The following MMP17 variants were observed in gnomAD, a reference collection of about 807,000 sequenced individuals.
The protein encoded by MMP17 is matrix metalloproteinase-17.
MMP17 carries 54 observed loss-of-function variants against 49.1 expected under a neutral mutation model. The observed-to-expected ratio is 1.10, with a 90% CI of 0.88 to 1.38. The LOEUF (loss-of-function observed/expected upper bound fraction) is 1.38, where lower values mean the gene tolerates loss of function less well. Ranked by LOEUF, MMP17 falls within the 40% of genes most tolerant of loss-of-function variation. The probability of loss-of-function intolerance (pLI) is 0.00; values close to 1 mark genes in which losing one functional copy is unlikely to be tolerated. For synonymous variants in MMP17, 397 were observed against 383.1 expected (o/e 1.04, Z -0.42); for missense variants, 837 against 853.7 (o/e 0.98, Z 0.24).
At chr12:131,838,404 A>G in intron 2 of MMP17, 77 bp downstream of exon 2, 2 of 1,558,746 alleles carry the variant, frequency 1.3e-6, no homozygotes, top group Non-Finnish European at 1.7e-6. Flanking sequence ...CCCTCTGATC[A>G]GGCACAGTCC....
intron 1 of MMP17, among the ~76,000 whole-genome samples, chr12:131,830,844 C>A (rs1161111485): frequency 6.6e-6 from 1 of 152,116 alleles, no homozygotes; most frequent in Non-Finnish European, 1.5e-5. Context: ...CAGGAGCCCC[C>A]GGCGGGGACA....
At chr12:131,841,879 C>G (rs1237697583) in intron 5 of MMP17, 79 bp downstream of exon 5, 19 of 1,439,402 alleles carry the variant, frequency 1.3e-5, no homozygotes, top group Non-Finnish European at 1.5e-5. Context: ...GCAGAGCCCC[C>G]CCGGGAGGGT....
rs1212887741 is a variant in MMP17, at chr12:131,837,970, A to G, written c.160-225A>G. The G allele has an allele frequency of 1.1e-5, 5 of 450,280 alleles. No homozygotes were observed. The East Asian group carries it at 1.4e-4, about 13-fold the overall frequency. The allele number at this position is 450,280 out of a possible 1,614,324, so 27.9% of individuals were successfully genotyped here. A position where few individuals can be genotyped will look rare whatever the true frequency, so the allele number is the denominator to read the frequency against. On this transcript the variant is annotated intron_variant, in intron 1 of 9. Transcript: ENST00000360564. Reference sequence around the variant, plus strand: ...CATGATCCGCCTGCCTCGGCCTCCCAAACTGCTGGGATTACAGGCGTGAGC... The same window carrying G: ...CATGATCCGCCTGCCTCGGCCTCCCGAACTGCTGGGATTACAGGCGTGAGC...
At chr12:131,836,125 C>A (rs1456679073) in intron 1 of MMP17, among the ~76,000 whole-genome samples, 1 of 152,214 alleles carries the variant, frequency 6.6e-6, no homozygotes, top group Non-Finnish European at 1.5e-5. Context: ...CAGTTCTGTA[C>A]ACACTCTTGG....
Position 131,841,727 on chromosome 12 carries a change from C to A in MMP17, c.810C>A (p.Tyr270Ter). The A allele has an allele frequency of 6.2e-7, 1 of 1,613,736 alleles. No homozygotes were observed. The highest frequency in any genetic ancestry group is 8.5e-7 in the Non-Finnish European group (1 of 1,179,948). ...CACACTCCATCATGCGGCCGTACTA[C>A]CAGGGCCCGGTGGGTGACCCGCTGC... Reference protein sequence around the residue: ...AAAHSIMRPYYQGPVGDPLRY... With the variant: ...AAAHSIMRPY Residue 270 changes from tyrosine (Y) to a stop codon, truncating the protein, a stop_gained, in exon 5 of 10, where the codon TAC becomes TAA. Transcript: ENST00000360564. LOFTEE classifies it high-confidence loss of function.
At chr12:131,842,427 T>C (rs1887462377) in intron 5 of MMP17, among the ~76,000 whole-genome samples, 1 of 152,232 alleles carries the variant, frequency 6.6e-6, no homozygotes, top group African/African-American at 2.4e-5. Flanking sequence ...CCGCTTCACA[T>C]GCTCTGACAT....
rs751580543 is a variant in MMP17, at chr12:131,840,537, C to T, written c.423-36C>T. The T allele has an allele frequency of 2.1e-5, 33 of 1,539,800 alleles. No individual in the cohort carries two copies. The Admixed American group carries it at 5.8e-4, about 27-fold the overall frequency. On this transcript the variant is annotated intron_variant, in intron 3 of 9. Coordinates refer to ENST00000360564, the MANE Select transcript of MMP17 (RefSeq NM_016155.7). Reference sequence around the variant, plus strand: ...CTCGGCCTGGGGCACGTGGCCTGTTCTCCGTGACTCACTCTGGGCTGACCC... The same window carrying T: ...CTCGGCCTGGGGCACGTGGCCTGTTTTCCGTGACTCACTCTGGGCTGACCC...
In MMP17 at chr12:131,828,448, G is replaced by T; in HGVS notation, c.-47G>T. The stretch of plus-strand genomic sequence containing the variant: ...GGCGCCGGGCTGCGGAACGCGAAGC[G>T]GAGGGCGCGGGACCCTGCACGCCGC... On this transcript the variant is annotated 5_prime_UTR_variant, in exon 1 of 10. Coordinates refer to ENST00000360564, the MANE Select transcript of MMP17 (RefSeq NM_016155.7). The T allele has an allele frequency of 1.6e-5, 16 of 977,962 alleles. No individual in the cohort carries two copies. The highest frequency in any genetic ancestry group is 1.9e-5 in the Non-Finnish European group (16 of 822,814). 60.6% of individuals were successfully genotyped at this position (977,962 alleles called of 1,614,324 possible). A position where few individuals can be genotyped will look rare whatever the true frequency, so the allele number is the denominator to read the frequency against.
chr12:131,832,872 C>T (rs1318588731), intron 1 of MMP17, among the ~76,000 whole-genome samples: 1 of 152,216 alleles, frequency 6.6e-6, no homozygotes, highest in African/African-American at 2.4e-5. Context: ...GCCAAAGGGC[C>T]TTTGCACTTG....
At chr12:131,843,235 G>A (rs1001239209) in intron 5 of MMP17, among the ~76,000 whole-genome samples, 17 of 150,334 alleles carry the variant, frequency 1.1e-4, no homozygotes, top group African/African-American at 4.2e-4. Context: ...CAAAGTGCTG[G>A]GATTATAGGC....
intron 5 of MMP17, among the ~76,000 whole-genome samples, chr12:131,842,069 A>T (rs550635201): frequency 7.4e-4 from 112 of 152,328 alleles, no homozygotes; most frequent in African/African-American, 2.6e-3. Flanking sequence ...TGTGCAAATC[A>T]CATTGCACGT....
Position 131,828,452 on chromosome 12 carries a change from G to A in MMP17, c.-43G>A, listed in dbSNP as rs940783734. On this transcript the variant is annotated 5_prime_UTR_variant, in exon 1 of 10. Coordinates refer to ENST00000360564, the MANE Select transcript of MMP17 (RefSeq NM_016155.7). ...CCGGGCTGCGGAACGCGAAGCGGAG[G>A]GCGCGGGACCCTGCACGCCGCCCGC... The A allele has an allele frequency of 3.1e-6, 3 of 982,640 alleles. No homozygotes were observed. The highest frequency in any genetic ancestry group is 3.6e-6 in the Non-Finnish European group (3 of 827,064). The allele number at this position is 982,640 out of a possible 1,614,324, so 60.9% of individuals were successfully genotyped here.
intron 8 of MMP17, among the ~76,000 whole-genome samples, chr12:131,849,142 C>T (rs757324881): frequency 4.6e-5 from 7 of 152,142 alleles, no homozygotes; most frequent in East Asian, 1.9e-4. Context: ...TTTCTAGTGA[C>T]GTTGACCATC....
rs771294254 is a variant in MMP17 at position 131,850,071 on chromosome 12, C to G, written c.1462+12C>G. On this transcript the variant is annotated intron_variant, in intron 9 of 9. Coordinates refer to ENST00000360564, the MANE Select transcript of MMP17 (RefSeq NM_016155.7). ...GCGCTGGTCCGACGGTGAGTGCCAGCTGGGGGGACGGGCCATGCGGCCTTG... is the reference window on the plus strand; with the variant it reads ...GCGCTGGTCCGACGGTGAGTGCCAGGTGGGGGGACGGGCCATGCGGCCTTG... The G allele has an allele frequency of 1.2e-6, 2 of 1,600,496 alleles. No individual in the cohort carries two copies. The highest frequency in any genetic ancestry group is 2.2e-5 in the South Asian group (2 of 90,182).
chr12:131,845,525 G>A (rs1887664459), intron 8 of MMP17, 76 bp downstream of exon 8: 15 of 1,478,230 alleles, frequency 1.0e-5, no homozygotes, highest in South Asian at 2.7e-5. Context: ...AGAGGGTCCA[G>A]CCTGCGTGTA....
intron 5 of MMP17, among the ~76,000 whole-genome samples, chr12:131,843,089 GAGT>G (rs1228792131): frequency 6.6e-6 from 1 of 151,806 alleles, no homozygotes; most frequent in Non-Finnish European, 1.5e-5. Context: ...TCAGCCTTCC[GAGT>G]AGCTGGGACT....
In MMP17 at chr12:131,841,782, C is replaced by T. The variant is rs773095803; in HGVS notation, c.865C>T (p.Arg289Cys). ...CGGGCTCCCCTACGAGGACAAGGTG[C>T]GCGTCTGGCAGCTGTACGGTGAGTG... The part of the protein sequence containing the change: ...RYGLPYEDKV[R>C]VWQLYGVRES... The change falls in exon 5 of 10, where the codon CGC (arginine) becomes TGC (cysteine). Residue 289 changes from arginine (R) to cysteine (C), a missense_variant. Physicochemically the swap from Arg to Cys is radical, Grantham distance 180 (BLOSUM62 -3). Transcript: ENST00000360564. 43 of 1,602,838 alleles carry T rather than the reference C, an allele frequency of 2.7e-5. No homozygotes were observed. The East Asian group carries it at 2.9e-4, about 11-fold the overall frequency.
Position 131,840,583 on chromosome 12 carries a change from T to C in MMP17, c.433T>C (p.Phe145Leu). The part of the protein sequence containing the change: ...KRNLSWRVRT[F>L]PRDSPLGHDT... ...GACCCCTGCCTGCAGGGTCCGGACG[T>C]TCCCACGGGACTCACCACTGGGGCA... Residue 145 changes from phenylalanine to leucine, a missense_variant, in exon 4 of 10, where the codon TTC (phenylalanine) becomes CTC (leucine). Physicochemically the swap from Phe to Leu is conservative, Grantham distance 22. Coordinates refer to ENST00000360564, the MANE Select transcript of MMP17 (RefSeq NM_016155.7). 6.3e-7 allele frequency: 1 copy of C among 1,590,762 alleles called. No homozygotes were observed. Among genetic ancestry groups the C allele is most frequent in the East Asian group, 2.2e-5 (1 of 44,514 alleles).
intron 1 of MMP17, among the ~76,000 whole-genome samples, chr12:131,831,611 C>T (rs1376239017): frequency 6.6e-5 from 10 of 151,686 alleles, no homozygotes; most frequent in East Asian, 6.0e-4. Flanking sequence ...CCATGAGAGA[C>T]GTCTGACTGT....
Sources: gnomAD v4.1 joint callset for allele counts (sites outside exome capture counted in the v4.1 genomes callset) on GRCh38, gnomAD v4.1.1 for gene constraint, MANE v1.5 for transcripts, NCBI Gene and HGNC (gene_info 2026-07-23, HGNC 2026-07-21) for gene names.